TRIO: variants seen among roughly 807,000 people sequenced by gnomAD.
The protein encoded by TRIO is triple functional domain protein.
A neutral mutation model predicts 351.9 loss-of-function variants in TRIO; 58 were observed. The observed-to-expected ratio is 0.16, with a 90% CI of 0.13 to 0.21. TRIO has a LOEUF of 0.21. TRIO is among the 10% of genes least tolerant of loss of function. TRIO has a pLI of 1.00. For missense variants in TRIO, 3,201 were observed against 4,027.8 expected (o/e 0.79, Z 5.56); for synonymous variants, 1,758 against 1,595.7 (o/e 1.10, Z -2.42).
chr5:14,269,333 A>G (rs1795860374), intron 1 of TRIO, among the ~76,000 whole-genome samples: 1 of 152,220 alleles, frequency 6.6e-6, no homozygotes, highest in Non-Finnish European at 1.5e-5. Flanking sequence ...TATGAATGAT[A>G]ATGTTGTAGA....
At chr5:14,238,133 T>A (rs11747251) in intron 1 of TRIO, among the ~76,000 whole-genome samples, 27,880 of 152,016 alleles carry the variant, frequency 0.18, 3,265 homozygotes, top group East Asian at 0.42. Context: ...TTATGTCAGT[T>A]CTCTCGAAAC....
At chr5:14,478,836 T>C (rs188947091) in intron 41 of TRIO, among the ~76,000 whole-genome samples, 15 of 150,206 alleles carry the variant, frequency 1.0e-4, no homozygotes, top group Admixed American at 2.0e-4. Context: ...GTGATGCACA[T>C]CTGTAATCCT....
intron 1 of TRIO, among the ~76,000 whole-genome samples, chr5:14,202,755 A>G (rs1453347285): frequency 6.7e-6 from 1 of 149,788 alleles, no homozygotes; most frequent in Non-Finnish European, 1.5e-5. Flanking sequence ...TACTCTGTAC[A>G]ATGGGGCCTC....
chr5:14,183,205 T>C (rs988957662), intron 1 of TRIO, among the ~76,000 whole-genome samples: 3 of 152,206 alleles, frequency 2.0e-5, no homozygotes, highest in African/African-American at 7.2e-5. Context: ...GCTACAACCT[T>C]AGTGAGGCTT....
intron 15 of TRIO, among the ~76,000 whole-genome samples, chr5:14,366,626 A>G (rs935337589): frequency 6.6e-6 from 1 of 152,110 alleles, no homozygotes. Context: ...CCACCTTTTC[A>G]TTTCCCATTT....
chr5:14,458,329 C>T (rs1432022033), intron 34 of TRIO, among the ~76,000 whole-genome samples: 1 of 152,182 alleles, frequency 6.6e-6, no homozygotes, highest in Non-Finnish European at 1.5e-5. Flanking sequence ...GGAAGTACCT[C>T]AGGTCCCAGA....
Position 14,270,818 on chromosome 5 carries a change from A to G in TRIO, c.158-7A>G. The G allele has an allele frequency of 6.2e-7, 1 of 1,613,198 alleles. No individual in the cohort carries two copies. Among genetic ancestry groups the G allele is most frequent in the Non-Finnish European group, 8.5e-7 (1 of 1,179,288 alleles). ...CAGTAATTTTATTTTCTCCTTCTGT[A>G]TTTCAGGGTTTCGAAAAAACGATGA... On this transcript the variant is annotated splice_polypyrimidine_tract_variant and splice_region_variant and intron_variant, in intron 1 of 56. Transcript: ENST00000344204.
chr5:14,344,191 G>A (rs1301645122), intron 11 of TRIO, among the ~76,000 whole-genome samples: 4 of 152,130 alleles, frequency 2.6e-5, no homozygotes, highest in African/African-American at 9.7e-5. Flanking sequence ...TAGAACTGTC[G>A]ACTGCATCAT....
chr5:14,388,808 A>G (rs1746790727), intron 24 of TRIO, 129 bp downstream of exon 24: 18 of 1,073,152 alleles, frequency 1.7e-5, no homozygotes, highest in Non-Finnish European at 2.4e-5. Context: ...TTAAATGTAA[A>G]GTATGCTTCA....
intron 1 of TRIO, among the ~76,000 whole-genome samples, chr5:14,266,412 A>C (rs1795682537): frequency 6.6e-6 from 1 of 152,186 alleles, no homozygotes; most frequent in South Asian, 2.1e-4. Flanking sequence ...AGCAGGGAGC[A>C]AAACAGACAT....
intron 10 of TRIO, among the ~76,000 whole-genome samples, chr5:14,335,398 G>C (rs901243603): frequency 6.6e-6 from 1 of 152,066 alleles, no homozygotes; most frequent in African/African-American, 2.4e-5. Context: ...CTGACTTCCT[G>C]GGCCTTCTTA....
chr5:14,187,060 G>C (rs918897860), intron 1 of TRIO, among the ~76,000 whole-genome samples: 3 of 152,170 alleles, frequency 2.0e-5, no homozygotes, highest in African/African-American at 4.8e-5. Flanking sequence ...TGGAGAAGTC[G>C]TGTGATGAAG....
intron 13 of TRIO, 36 bp from the exon 14 acceptor site, chr5:14,363,696 A>AT (rs756553698): frequency 1.1e-5 from 18 of 1,588,060 alleles, no homozygotes; most frequent in East Asian, 2.2e-5. Context: ...CTGCATGTAT[A>AT]TTTTTTTTGT....
intron 48 of TRIO, chr5:14,488,861 C>G: frequency 2.8e-6 from 2 of 716,116 alleles, no homozygotes; most frequent in South Asian, 2.9e-5. Flanking sequence ...CTCTGGGCAC[C>G]TGGCGAGGCG....
intron 7 of TRIO, among the ~76,000 whole-genome samples, chr5:14,298,782 C>CT (rs1256817449): frequency 2.6e-5 from 4 of 152,280 alleles, no homozygotes; most frequent in Admixed American, 2.6e-4. Flanking sequence ...GATTTTTCTA[C>CT]TTTCTAACTT....
intron 37 of TRIO, chr5:14,466,103 A>T (rs1561524112): frequency 5.7e-6 from 1 of 173,962 alleles, no homozygotes; most frequent in Admixed American, 5.5e-5. Context: ...ACACTGTCAC[A>T]TTGCTAGCAT....
At chr5:14,144,988 A>T (rs1194086812) in intron 1 of TRIO, among the ~76,000 whole-genome samples, 9 of 151,378 alleles carry the variant, frequency 5.9e-5, no homozygotes, top group African/African-American at 2.2e-4. Context: ...GAGGATGCAG[A>T]CTCCGGGTTG....
intron 21 of TRIO, among the ~76,000 whole-genome samples, chr5:14,386,020 G>C (rs886647841): frequency 2.0e-5 from 3 of 152,220 alleles, no homozygotes; most frequent in Non-Finnish European, 4.4e-5. Context: ...TGAAGGTGAC[G>C]TTCTCACAGG....
chr5:14,287,937 T>A (rs1561294877), intron 4 of TRIO, among the ~76,000 whole-genome samples: 1 of 152,230 alleles, frequency 6.6e-6, no homozygotes, highest in Non-Finnish European at 1.5e-5. Flanking sequence ...ATCCTTAATC[T>A]TCAGGTTATA....
Sources: allele counts gnomAD v4.1 joint callset (sites outside exome capture counted in the v4.1 genomes callset), GRCh38; gene constraint gnomAD v4.1.1; transcripts MANE v1.5; gene names NCBI Gene and HGNC (gene_info 2026-07-23, HGNC 2026-07-21).